Variants in RARB observed in about 807,000 individuals in gnomAD.
RARB encodes retinoic acid receptor beta.
Under a neutral mutation model 51.9 loss-of-function variants are expected in RARB, and 17 were observed. That is an observed-to-expected ratio of 0.33 (90% CI 0.22 to 0.49). The LOEUF is 0.49. Among genes scored for constraint, RARB ranks in the 20% least tolerant of loss-of-function variants. RARB has a pLI of 0.99. For synonymous variants in RARB, 215 were observed against 195.4 expected (o/e 1.10, Z -0.84); for missense variants, 369 against 550.8 (o/e 0.67, Z 3.30).
chr3:25,505,956 A>G (rs962690608), intron 3 of RARB, among the ~76,000 whole-genome samples: 1 of 152,208 alleles, frequency 6.6e-6, no homozygotes, highest in Non-Finnish European at 1.5e-5. Context: ...ATGATGGGAA[A>G]GAAGATTTAA....
intron 5 of RARB, among the ~76,000 whole-genome samples, chr3:25,285,199 C>T (rs1703619462): frequency 6.6e-6 from 1 of 152,116 alleles, no homozygotes; most frequent in Non-Finnish European, 1.5e-5. Flanking sequence ...ATTGTCCTAG[C>T]AAAGGAGTTT....
chr3:25,027,554 T>A (rs765497351), intron 2 of RARB, among the ~76,000 whole-genome samples: 1 of 152,180 alleles, frequency 6.6e-6, no homozygotes, highest in Non-Finnish European at 1.5e-5. Flanking sequence ...ACAGCCATAA[T>A]TGAGGTGAGT....
intron 1 of RARB, among the ~76,000 whole-genome samples, chr3:24,857,198 C>T (rs937069643): frequency 1.3e-5 from 2 of 152,140 alleles, no homozygotes; most frequent in Non-Finnish European, 2.9e-5. Context: ...TAAAATTTCT[C>T]CTTACAGTCC....
intron 1 of RARB, 89 bp downstream of exon 1, chr3:25,428,977 G>T: frequency 1.1e-5 from 15 of 1,399,544 alleles, no homozygotes; most frequent in Non-Finnish European, 1.4e-5. Flanking sequence ...AACTGCATTG[G>T]TAGCAAGACA....
At chr3:25,114,669 T>A (rs1699656719) in intron 3 of RARB, among the ~76,000 whole-genome samples, 1 of 152,206 alleles carries the variant, frequency 6.6e-6, no homozygotes, top group South Asian at 2.1e-4. Context: ...GGTTGTTATT[T>A]CTAGTTGTGT....
At chr3:24,964,842 T>C (rs965840837) in intron 2 of RARB, among the ~76,000 whole-genome samples, 1 of 152,222 alleles carries the variant, frequency 6.6e-6, no homozygotes, top group Admixed American at 6.5e-5. Context: ...AAGGGAGTTA[T>C]CTAATAGCAG....
chr3:25,242,846 A>G (rs1263517394), intron 5 of RARB, among the ~76,000 whole-genome samples: 1 of 152,170 alleles, frequency 6.6e-6, no homozygotes, highest in Non-Finnish European at 1.5e-5. Context: ...TTTATGAAGA[A>G]AGTCAATGGT....
intron 5 of RARB, among the ~76,000 whole-genome samples, chr3:25,267,396 G>A (rs542672722): frequency 9.9e-5 from 15 of 152,202 alleles, no homozygotes; most frequent in African/African-American, 3.6e-4. Flanking sequence ...CTGGCCTTCC[G>A]CAACCCCCGT....
chr3:25,174,461 G>A, exon 5 of RARB: 1 of 1,352,064 alleles, frequency 7.4e-7, no homozygotes, highest in Non-Finnish European at 9.8e-7. Flanking sequence ...TCACTATCCA[G>A]CCACACCCTA....
intron 5 of RARB, among the ~76,000 whole-genome samples, chr3:25,311,826 A>G (rs1231882061): frequency 6.6e-6 from 1 of 152,196 alleles, no homozygotes; most frequent in Non-Finnish European, 1.5e-5. Context: ...CAAACTCTCA[A>G]AAAACACAAG....
At chr3:24,863,529 A>G (rs182987315) in intron 2 of RARB, among the ~76,000 whole-genome samples, 275 of 152,284 alleles carry the variant, frequency 1.8e-3, no homozygotes, top group African/African-American at 6.3e-3. Context: ...GTCAAAGATC[A>G]TGTCAGCGTA....
At chr3:25,259,138 C>G (rs1382798132) in intron 5 of RARB, 37 of 906,328 alleles carry the variant, frequency 4.1e-5, no homozygotes, top group African/African-American at 7.2e-5. Context: ...TCAAGAAACA[C>G]TATTTAATAA....
intron 2 of RARB, among the ~76,000 whole-genome samples, chr3:25,011,981 A>T (rs944737286): frequency 1.3e-5 from 2 of 152,142 alleles, no homozygotes; most frequent in African/African-American, 4.8e-5. Context: ...TTAACAGGGC[A>T]GACAGGACTG....
chr3:24,866,981 GT>G (rs1429450124), intron 2 of RARB, among the ~76,000 whole-genome samples: 1 of 152,026 alleles, frequency 6.6e-6, no homozygotes, highest in Non-Finnish European at 1.5e-5. Context: ...ATTTGGTGGG[GT>G]TACAGGAGGG....
chr3:25,137,800 CCTT>C (rs765819737), intron 4 of RARB, among the ~76,000 whole-genome samples: 1 of 152,068 alleles, frequency 6.6e-6, no homozygotes, highest in Non-Finnish European at 1.5e-5. Flanking sequence ...CAGAGTCCAC[CCTT>C]CTAATTCCCA....
At chr3:25,009,433 A>G (rs569826389) in intron 2 of RARB, among the ~76,000 whole-genome samples, 1 of 152,034 alleles carries the variant, frequency 6.6e-6, no homozygotes, top group East Asian at 1.9e-4. Context: ...TTTATCCTCC[A>G]CTGGTCTTCA....
chr3:25,136,917 T>C (rs1285772502), intron 4 of RARB, among the ~76,000 whole-genome samples: 1 of 152,044 alleles, frequency 6.6e-6, no homozygotes, highest in Non-Finnish European at 1.5e-5. Flanking sequence ...AGATTGTTAA[T>C]GGTATCAACA....
At chr3:25,018,595 T>C (rs971954800) in intron 2 of RARB, among the ~76,000 whole-genome samples, 2 of 152,166 alleles carry the variant, frequency 1.3e-5, no homozygotes, top group Admixed American at 1.3e-4. Flanking sequence ...TCCTAGATCT[T>C]GAAACCGAGC....
At chr3:25,063,732 ATG>A (rs1698599563) in intron 3 of RARB, among the ~76,000 whole-genome samples, 1 of 149,802 alleles carries the variant, frequency 6.7e-6, no homozygotes, top group Non-Finnish European at 1.5e-5. Context: ...TTTTAAAAAG[ATG>A]AGGAAACAGA....
Sources: gnomAD v4.1 joint callset for allele counts (sites outside exome capture counted in the v4.1 genomes callset) on GRCh38, gnomAD v4.1.1 for gene constraint, MANE v1.5 for transcripts, NCBI Gene and HGNC (gene_info 2026-07-23, HGNC 2026-07-21) for gene names.